Variants in TDRD7 observed in about 807,000 individuals in gnomAD.
TDRD7 encodes tudor domain containing 7.
A neutral mutation model predicts 109.8 loss-of-function variants in TDRD7; 47 were observed. That is an observed-to-expected ratio of 0.43 (90% confidence interval 0.34 to 0.55). The LOEUF is 0.55. Among genes scored for constraint, TDRD7 ranks in the 20% least tolerant of loss-of-function variants. The pLI is 0.03. For synonymous variants in TDRD7, 424 were observed against 457.3 expected (o/e 0.93, Z 0.93); for missense variants, 1,164 against 1,319.2 (o/e 0.88, Z 1.82).
intron 12 of TDRD7, among the ~76,000 whole-genome samples, chr9:97,477,341 A>C (rs955889580): frequency 3.9e-5 from 6 of 152,192 alleles, no homozygotes; most frequent in African/African-American, 1.2e-4. Context: ...TACAATCTGG[A>C]TCCCACATTG....
At chr9:97,479,455 C>T (rs992288838) in intron 13 of TDRD7, among the ~76,000 whole-genome samples, 2 of 152,216 alleles carry the variant, frequency 1.3e-5, no homozygotes, top group Non-Finnish European at 2.9e-5. Flanking sequence ...AAAAGATCCC[C>T]TGGGCTGGAG....
intron 4 of TDRD7, among the ~76,000 whole-genome samples, chr9:97,435,180 T>G (rs1828171982): frequency 6.6e-6 from 1 of 152,140 alleles, no homozygotes; most frequent in Non-Finnish European, 1.5e-5. Flanking sequence ...GAAATCTGAA[T>G]AAGCTCTGAA....
chr9:97,488,760 T>C (rs1399003946), intron 16 of TDRD7, among the ~76,000 whole-genome samples: 2 of 152,224 alleles, frequency 1.3e-5, no homozygotes, highest in East Asian at 3.8e-4. Context: ...CCAGTCACTT[T>C]AGAGCTTTCT....
intron 16 of TDRD7, 136 bp downstream of exon 16, chr9:97,487,468 T>C (rs1018878074): frequency 1.9e-6 from 2 of 1,044,888 alleles, no homozygotes; most frequent in Admixed American, 3.8e-5. Flanking sequence ...GCTAATAATA[T>C]TGCAACCATA....
intron 7 of TDRD7, 55 bp downstream of exon 7, chr9:97,460,819 A>G (rs1325921882): frequency 1.1e-5 from 16 of 1,484,880 alleles, no homozygotes; most frequent in African/African-American, 8.3e-5. Flanking sequence ...TCACTTGTCT[A>G]TTCTTCACAT....
chr9:97,489,588 T>A lies in TDRD7; in HGVS notation c.3076+2256T>A, dbSNP rs551665099. Among the ~76,000 whole-genome samples the A allele has an allele frequency of 2.6e-5, 4 of 152,310 alleles. 2 individuals carry two copies. Among genetic ancestry groups the A allele is most frequent in the African/African-American group, 9.6e-5 (4 of 41,580 alleles). On this transcript the variant is annotated intron_variant, in intron 16 of 16. Transcript: ENST00000355295. ...TATGTAGTTGAGTCTTATTTTTTTT[T>A]ATTTACTCTGACAATCTCTGTCTTT... is the stretch of plus-strand genomic sequence containing the variant.
intron 7 of TDRD7, among the ~76,000 whole-genome samples, chr9:97,463,972 C>T (rs1316497004): frequency 2.6e-5 from 4 of 152,088 alleles, no homozygotes; most frequent in South Asian, 2.1e-4. Flanking sequence ...GGGGTGTCAA[C>T]GTTGTGTTTA....
chr9:97,456,006 C>G (rs1265243526), intron 6 of TDRD7, among the ~76,000 whole-genome samples: 2 of 152,164 alleles, frequency 1.3e-5, no homozygotes, highest in African/African-American at 4.8e-5. Flanking sequence ...ATGCAAAAAT[C>G]ACAAGCATTT....
At chr9:97,466,500 G>A (rs891249109) in intron 8 of TDRD7, among the ~76,000 whole-genome samples, 1 of 152,226 alleles carries the variant, frequency 6.6e-6, no homozygotes, top group Admixed American at 6.5e-5. Context: ...ATACATGTGT[G>A]TTGCAGTATT....
chr9:97,455,078 G>C (rs1201228133), intron 6 of TDRD7, among the ~76,000 whole-genome samples: 1 of 152,130 alleles, frequency 6.6e-6, no homozygotes, highest in Non-Finnish European at 1.5e-5. Context: ...AAATCTAGAA[G>C]AAATGAATAA....
At chr9:97,441,525 C>A in intron 5 of TDRD7, 133 bp from the exon 6 acceptor site, 1 of 754,010 alleles carries the variant, frequency 1.3e-6, no homozygotes, top group Non-Finnish European at 2.2e-6. Flanking sequence ...CTGCCTAATC[C>A]TGCTCCCTTC....
intron 16 of TDRD7, among the ~76,000 whole-genome samples, chr9:97,491,911 C>T (rs1339024538): frequency 2.0e-5 from 3 of 152,208 alleles, no homozygotes; most frequent in Non-Finnish European, 4.4e-5. Context: ...AGGTAAAACT[C>T]TCAAAAGTGT....
At position 97,460,376 on chromosome 9, in the gene TDRD7, T is replaced by A; in HGVS notation, c.1054T>A (p.Tyr352Asn). ...AAAAGTGGCAGACCTGCTGGTGAAA[T>A]ACACAAGTGGCCTTTGGGCCAGTGC... ...KEKVADLLVK[Y>N]TSGLWASALP... is the part of the protein sequence containing the mutation. The change falls in exon 7 of 17, where the codon TAC becomes AAC. Residue 352 changes from tyrosine (Y) to asparagine (N), a missense_variant. Tyr to Asn is a moderately radical substitution (Grantham distance 143). Transcript: ENST00000355295. The A allele has an allele frequency of 6.2e-7, 1 of 1,614,138 alleles. No homozygotes were observed. Among genetic ancestry groups the A allele is most frequent in the South Asian group, 1.1e-5 (1 of 91,082 alleles).
chr9:97,450,301 G>A (rs533027829), intron 6 of TDRD7, among the ~76,000 whole-genome samples: 19 of 152,246 alleles, frequency 1.2e-4, no homozygotes, highest in African/African-American at 3.6e-4. Context: ...AAAACATGAA[G>A]GACAAGGATA....
At chr9:97,442,953 G>A (rs772552681) in intron 6 of TDRD7, among the ~76,000 whole-genome samples, 73 of 152,094 alleles carry the variant, frequency 4.8e-4, no homozygotes, top group Non-Finnish European at 4.6e-4. Flanking sequence ...TAGCCACTAC[G>A]CCCAGCTAAT....
intron 4 of TDRD7, among the ~76,000 whole-genome samples, chr9:97,438,305 G>GA (rs1466633582): frequency 6.6e-6 from 1 of 152,122 alleles, no homozygotes; most frequent in African/African-American, 2.4e-5. Flanking sequence ...AATTTTATAA[G>GA]AAAATGTGCT....
chr9:97,476,357 G>A (rs780405547), intron 12 of TDRD7, among the ~76,000 whole-genome samples: 1 of 151,902 alleles, frequency 6.6e-6, no homozygotes, highest in African/African-American at 2.4e-5. Context: ...GTTTTGTTGT[G>A]GTTTATCTTG....
chr9:97,478,255 T>TAGA (rs1271716969), intron 12 of TDRD7, among the ~76,000 whole-genome samples, 184 bp from the exon 13 acceptor site: 1 of 152,006 alleles, frequency 6.6e-6, no homozygotes, highest in Non-Finnish European at 1.5e-5. Context: ...ATCAAGACTC[T>TAGA]GTCTCAAAAT....
chr9:97,416,264 C>T (rs967117045), intron 1 of TDRD7, among the ~76,000 whole-genome samples: 27 of 152,176 alleles, frequency 1.8e-4, no homozygotes, highest in African/African-American at 5.6e-4. Flanking sequence ...TTACAGATTG[C>T]AACCATGTGG....
Sources: allele counts gnomAD v4.1 joint callset (sites outside exome capture counted in the v4.1 genomes callset), GRCh38; gene constraint gnomAD v4.1.1; transcripts MANE v1.5; gene names NCBI Gene and HGNC (gene_info 2026-07-23, HGNC 2026-07-21).